Variants in PDZRN4 observed in about 807,000 individuals in gnomAD.
PDZRN4 encodes the protein PDZ domain-containing RING finger protein 4.
PDZRN4 carries 70 observed loss-of-function variants against 99.0 expected under a neutral mutation model. The observed-to-expected ratio is 0.71, with a 90% CI of 0.58 to 0.86. The LOEUF is 0.86. Ranked by LOEUF, PDZRN4 falls within the 40% of genes least tolerant of loss-of-function variation. PDZRN4 has a pLI of 0.00. For synonymous variants in PDZRN4, 551 were observed against 501.6 expected (o/e 1.10, Z -1.32); for missense variants, 1,474 against 1,331.2 (o/e 1.11, Z -1.67).
At chr12:41,400,629 G>C (rs1952282703) in intron 3 of PDZRN4, among the ~76,000 whole-genome samples, 1 of 152,090 alleles carries the variant, frequency 6.6e-6, no homozygotes. Context: ...TATGGAGTGA[G>C]TGGGGGGATG....
At chr12:41,557,198 A>G (rs1939184217) in intron 7 of PDZRN4, among the ~76,000 whole-genome samples, 1 of 151,294 alleles carries the variant, frequency 6.6e-6, no homozygotes, top group East Asian at 1.9e-4. Flanking sequence ...AGACACACAA[A>G]CTCCCCAGCT....
At chr12:41,275,095 G>A (rs1163695260) in intron 3 of PDZRN4, among the ~76,000 whole-genome samples, 2 of 152,136 alleles carry the variant, frequency 1.3e-5, no homozygotes, top group Admixed American at 1.3e-4. Flanking sequence ...TGAATAAGCT[G>A]AGAGGCTTGA....
chr12:41,319,310 G>T (rs1010102804), intron 3 of PDZRN4, among the ~76,000 whole-genome samples: 8 of 152,124 alleles, frequency 5.3e-5, no homozygotes, highest in African/African-American at 1.9e-4. Context: ...CTGTAATGAT[G>T]AATGCCCTGG....
chr12:41,430,552 G>A (rs1565580790), intron 3 of PDZRN4, among the ~76,000 whole-genome samples: 1 of 151,940 alleles, frequency 6.6e-6, no homozygotes, highest in Non-Finnish European at 1.5e-5. Flanking sequence ...AAGAAATAGA[G>A]GGGTGTGTGT....
chr12:41,422,179 G>A (rs781489841), intron 3 of PDZRN4, among the ~76,000 whole-genome samples: 4 of 151,978 alleles, frequency 2.6e-5, no homozygotes, highest in East Asian at 1.9e-4. Context: ...CTATACCTAG[G>A]GAAATAGTTA....
At chr12:41,490,708 C>T (rs971813411) in intron 3 of PDZRN4, among the ~76,000 whole-genome samples, 12 of 152,020 alleles carry the variant, frequency 7.9e-5, no homozygotes, top group Admixed American at 7.9e-4. Context: ...CAACATCCTT[C>T]GTTTTATTGA....
chr12:41,560,364 T>G (rs1163552002), intron 7 of PDZRN4, among the ~76,000 whole-genome samples: 1 of 152,034 alleles, frequency 6.6e-6, no homozygotes. Flanking sequence ...CACACACACA[T>G]ACAAAACACA....
At chr12:41,477,897 T>C (rs943566615) in intron 3 of PDZRN4, 1 of 1,552,952 alleles carries the variant, frequency 6.4e-7, no homozygotes, top group Non-Finnish European at 8.7e-7. Flanking sequence ...ACCTTTGGCA[T>C]TGTTGACATG....
intron 3 of PDZRN4, among the ~76,000 whole-genome samples, chr12:41,300,837 C>A (rs1951530982): frequency 6.6e-6 from 1 of 151,878 alleles, no homozygotes; most frequent in Non-Finnish European, 1.5e-5. Context: ...TGGAAAGCTT[C>A]AGGGAAAATA....
chr12:41,336,179 T>A (rs1394699065), intron 3 of PDZRN4, among the ~76,000 whole-genome samples: 1 of 152,080 alleles, frequency 6.6e-6, no homozygotes, highest in African/African-American at 2.4e-5. Flanking sequence ...CTTCAATGTA[T>A]CCTCTATAAT....
At chr12:41,528,089 T>C (rs753798356) in intron 5 of PDZRN4, among the ~76,000 whole-genome samples, 4 of 152,218 alleles carry the variant, frequency 2.6e-5, no homozygotes, top group Admixed American at 1.3e-4. Context: ...TTCTGTGAAA[T>C]AGATTACAGT....
chr12:41,433,420 G>A (rs1027248938), intron 3 of PDZRN4, among the ~76,000 whole-genome samples: 3 of 152,124 alleles, frequency 2.0e-5, no homozygotes, highest in African/African-American at 7.2e-5. Context: ...TTGTCTTTAT[G>A]ATTACATAGA....
intron 7 of PDZRN4, among the ~76,000 whole-genome samples, chr12:41,557,682 C>CA (rs1939192165): frequency 1.4e-5 from 2 of 146,486 alleles, no homozygotes; most frequent in East Asian, 2.0e-4. Flanking sequence ...TGCAGAGCTC[C>CA]TTTTTTTTTT....
intron 3 of PDZRN4, among the ~76,000 whole-genome samples, chr12:41,436,686 T>C (rs1952632434): frequency 6.6e-6 from 1 of 152,212 alleles, no homozygotes; most frequent in Non-Finnish European, 1.5e-5. Context: ...GTTTGTAGTA[T>C]ATCTTTAAGG....
intron 3 of PDZRN4, among the ~76,000 whole-genome samples, chr12:41,442,189 C>T (rs1952685366): frequency 6.6e-6 from 1 of 152,056 alleles, no homozygotes; most frequent in Non-Finnish European, 1.5e-5. Context: ...GCTCCAGACT[C>T]TATTTTTTGC....
chr12:41,537,653 A>C (rs139333114), intron 5 of PDZRN4, among the ~76,000 whole-genome samples: 1 of 152,186 alleles, frequency 6.6e-6, no homozygotes, highest in Non-Finnish European at 1.5e-5. Context: ...GATGTGTTTA[A>C]GGACTTATAT....
chr12:41,418,854 G>T (rs1049985894), intron 3 of PDZRN4, among the ~76,000 whole-genome samples: 2 of 152,124 alleles, frequency 1.3e-5, no homozygotes, highest in Non-Finnish European at 1.5e-5. Context: ...CAGCTGGGGG[G>T]TAACTGCTGT....
chr12:41,365,669 C>T lies in PDZRN4; in HGVS notation c.844-140787C>T, dbSNP rs188129782. ...ATATTCCCTTTCCCCTCTTTGAGCC[C>T]GAATCAGTCTCTCCAGGGGTCTGAA... On this transcript the variant is annotated intron_variant, in intron 3 of 9. Transcript: ENST00000402685. Among the ~76,000 whole-genome samples the T allele has an allele frequency of 3.1e-3, 472 of 152,104 alleles. 5 individuals carry two copies. The highest frequency in any genetic ancestry group is 0.011 in the African/African-American group (448 of 41,508).
At chr12:41,234,280 C>T (rs1331390101) in intron 3 of PDZRN4, among the ~76,000 whole-genome samples, 2 of 152,050 alleles carry the variant, frequency 1.3e-5, no homozygotes, top group African/African-American at 4.8e-5. Flanking sequence ...TGAAATCATA[C>T]ATTTGGAATT....
Sources: allele counts gnomAD v4.1 joint callset (sites outside exome capture counted in the v4.1 genomes callset), GRCh38; gene constraint gnomAD v4.1.1; transcripts MANE v1.5; gene names NCBI Gene and HGNC (gene_info 2026-07-23, HGNC 2026-07-21).